FHIT: variants seen among roughly 807,000 people sequenced by gnomAD.
FHIT encodes fragile histidine triad diadenosine triphosphatase.
A neutral mutation model predicts 17.9 loss-of-function variants in FHIT; 19 were observed. The observed-to-expected ratio is 1.06, with a 90% CI of 0.74 to 1.56. The LOEUF is 1.56. Ranked by LOEUF, FHIT falls within the 40% of genes most tolerant of loss-of-function variation. FHIT has a pLI of 0.00. For missense variants in FHIT, 248 were observed against 189.2 expected (o/e 1.31, Z -1.82); for synonymous variants, 81 against 69.7 (o/e 1.16, Z -0.81).
chr3:60,819,592 C>T (rs1553738672), intron 4 of FHIT, among the ~76,000 whole-genome samples: 1 of 152,110 alleles, frequency 6.6e-6, no homozygotes, highest in African/African-American at 2.4e-5. Context: ...TTGCACAATT[C>T]CTTCTAATCA....
intron 4 of FHIT, among the ~76,000 whole-genome samples, chr3:60,768,571 A>C (rs1699928806): frequency 1.3e-5 from 2 of 152,252 alleles, no homozygotes; most frequent in Non-Finnish European, 2.9e-5. Context: ...TAGAAACATC[A>C]ATAAGGAAAT....
intron 7 of FHIT, among the ~76,000 whole-genome samples, chr3:59,981,735 C>T (rs1293416712): frequency 6.6e-6 from 1 of 152,054 alleles, no homozygotes; most frequent in Admixed American, 6.6e-5. Context: ...GTTAAACACA[C>T]ATAAAACATT....
chr3:61,161,423 C>T (rs2037691186), intron 2 of FHIT, among the ~76,000 whole-genome samples: 1 of 152,010 alleles, frequency 6.6e-6, no homozygotes, highest in African/African-American at 2.4e-5. Context: ...AGGATGGTCT[C>T]GATCTCCTGA....
chr3:60,850,184 G>A (rs1553747823), intron 3 of FHIT, among the ~76,000 whole-genome samples: 1 of 152,038 alleles, frequency 6.6e-6, no homozygotes. Context: ...TCTTCAGAGA[G>A]GCCTTCGCTG....
At chr3:60,198,102 T>A (rs1334748330) in intron 5 of FHIT, among the ~76,000 whole-genome samples, 1 of 148,342 alleles carries the variant, frequency 6.7e-6, no homozygotes, top group Non-Finnish European at 1.5e-5. Context: ...AACGTTTGGA[T>A]GACTTTTTTT....
At chr3:60,881,703 T>A (rs755170962) in intron 3 of FHIT, among the ~76,000 whole-genome samples, 7 of 152,054 alleles carry the variant, frequency 4.6e-5, no homozygotes, top group Non-Finnish European at 7.4e-5. Flanking sequence ...GAAGAAAATT[T>A]AAAAATTTAT....
intron 4 of FHIT, among the ~76,000 whole-genome samples, chr3:60,665,468 G>A (rs1205919705): frequency 1.3e-5 from 2 of 151,882 alleles, no homozygotes; most frequent in Admixed American, 6.6e-5. Context: ...TATTTGGTAT[G>A]TACATAAGAT....
At chr3:61,130,136 A>C (rs1353234540) in intron 2 of FHIT, among the ~76,000 whole-genome samples, 1 of 152,204 alleles carries the variant, frequency 6.6e-6, no homozygotes, top group Non-Finnish European at 1.5e-5. Flanking sequence ...TAACAATAAA[A>C]GTACTAAAAT....
intron 4 of FHIT, among the ~76,000 whole-genome samples, chr3:60,581,025 G>A (rs557264884): frequency 6.6e-6 from 1 of 152,164 alleles, no homozygotes; most frequent in South Asian, 2.1e-4. Flanking sequence ...AGGATTCCAG[G>A]TGGTGCTGAT....
At chr3:60,260,385 A>G (rs1706229752) in intron 5 of FHIT, among the ~76,000 whole-genome samples, 1 of 151,562 alleles carries the variant, frequency 6.6e-6, no homozygotes, top group South Asian at 2.1e-4. Flanking sequence ...TAGTGTCAGG[A>G]GAAACAAAGT....
intron 4 of FHIT, among the ~76,000 whole-genome samples, chr3:60,567,607 G>C (rs1374509660): frequency 6.6e-6 from 1 of 152,100 alleles, no homozygotes; most frequent in African/African-American, 2.4e-5. Context: ...TTGACAAATG[G>C]GATCTAATTA....
intron 3 of FHIT, among the ~76,000 whole-genome samples, chr3:60,964,226 C>G (rs1709601324): frequency 6.6e-6 from 1 of 150,822 alleles, no homozygotes; most frequent in Admixed American, 6.6e-5. Flanking sequence ...GGTTTAAAGT[C>G]TGTTTTGTTA....
At chr3:59,994,275 G>A (rs1392126834) in intron 7 of FHIT, among the ~76,000 whole-genome samples, 4 of 152,080 alleles carry the variant, frequency 2.6e-5, no homozygotes, top group Non-Finnish European at 4.4e-5. Context: ...GCAAATAGAT[G>A]CTCATTACAT....
intron 3 of FHIT, among the ~76,000 whole-genome samples, chr3:60,836,845 A>G (rs782132919): frequency 3.3e-5 from 5 of 152,232 alleles, no homozygotes; most frequent in Non-Finnish European, 5.9e-5. Flanking sequence ...TGTACTAAGT[A>G]TAATATCTGT....
At chr3:60,833,811 TTAAC>T (rs1207044260) in intron 3 of FHIT, among the ~76,000 whole-genome samples, 2 of 152,340 alleles carry the variant, frequency 1.3e-5, no homozygotes, top group Non-Finnish European at 2.9e-5. Flanking sequence ...CCACCCCTTC[TTAAC>T]TTTTAACCAC....
chr3:61,217,459 G>C (rs573398400), intron 1 of FHIT, among the ~76,000 whole-genome samples: 5 of 152,352 alleles, frequency 3.3e-5, no homozygotes, highest in East Asian at 1.9e-4. Flanking sequence ...CATGTGGCTT[G>C]AGTCTCCTCA....
At chr3:60,150,139 G>C (rs1043835985) in intron 5 of FHIT, among the ~76,000 whole-genome samples, 25 of 145,144 alleles carry the variant, frequency 1.7e-4, no homozygotes, top group African/African-American at 6.0e-4. Context: ...TAGGATTACA[G>C]GCATGCGCCC....
In FHIT at chr3:59,933,584, C is replaced by T. The variant is rs563427799; in HGVS notation, c.280-11170G>A. ...ATTCTAAGTCAGGTTGATAGGATGT[C>T]AAGCGTAATCTGTATTTTGCTATGC... On this transcript the variant is annotated intron_variant, in intron 7 of 9. Transcript: ENST00000492590. Among the ~76,000 whole-genome samples, 60 of 152,218 alleles carry T rather than the reference C, an allele frequency of 3.9e-4. 4 individuals are homozygous for T. The South Asian group carries it at 6.4e-3, about 16-fold the overall frequency.
intron 5 of FHIT, among the ~76,000 whole-genome samples, chr3:60,296,517 T>C (rs541085102): frequency 6.6e-6 from 1 of 152,236 alleles, no homozygotes; most frequent in Non-Finnish European, 1.5e-5. Context: ...TTTGTTGTTG[T>C]TGAGTTTTGC....
Sources: gnomAD v4.1 joint callset for allele counts (sites outside exome capture counted in the v4.1 genomes callset) on GRCh38, gnomAD v4.1.1 for gene constraint, MANE v1.5 for transcripts, NCBI Gene and HGNC (gene_info 2026-07-23, HGNC 2026-07-21) for gene names.